ADRA1B: variants seen among roughly 807,000 people sequenced by gnomAD.
The protein encoded by ADRA1B is adrenoceptor alpha 1B, also known as alpha-1B adrenergic receptor.
ADRA1B carries 17 observed loss-of-function variants against 17.9 expected under a neutral mutation model. The observed-to-expected ratio is 0.95, with a 90% confidence interval of 0.65 to 1.42. The LOEUF (loss-of-function observed/expected upper bound fraction) is 1.42. Among genes scored for constraint, ADRA1B ranks in the 40% most tolerant of loss-of-function variants. ADRA1B has a pLI of 0.00. For synonymous variants in ADRA1B, 366 were observed against 327.6 expected (o/e 1.12, Z -1.27); for missense variants, 681 against 722.1 (o/e 0.94, Z 0.65).
At chr5:159,986,870 C>A in the ADRA1B span, among the ~76,000 whole-genome samples, 4 of 152,204 alleles carry the variant, frequency 2.6e-5, no homozygotes, top group Non-Finnish European at 2.9e-5. Context: ...CCCCCCTCAA[C>A]GGCGCCTACT....
chr5:159,953,231 A>G (rs1024205937), intron 1 of ADRA1B, among the ~76,000 whole-genome samples: 1 of 152,090 alleles, frequency 6.6e-6, no homozygotes, highest in Non-Finnish European at 1.5e-5. Context: ...GTGATAGCAC[A>G]CACCTGTAAT....
At chr5:159,888,334 A>G (rs1205722204) in intron 1 of ADRA1B, 2 of 152,174 alleles carry the variant, frequency 1.3e-5, no homozygotes, top group African/African-American at 4.8e-5. Context: ...GACGTCATGG[A>G]AGAACTAATG....
Position 159,917,275 on chromosome 5 carries a change from G to A in ADRA1B, c.370G>A (p.Val124Met), listed in dbSNP as rs187500825. 5.0e-6 allele frequency: 8 copies of A among 1,614,096 alleles called. No homozygotes were observed. Among genetic ancestry groups the A allele is most frequent in the Admixed American group, 3.3e-5 (2 of 60,030 alleles). The change falls in exon 1 of 2, where the codon GTG becomes ATG. Residue 124 changes from valine to methionine, a missense_variant. Physicochemically the swap from Val to Met is conservative, Grantham distance 21 (BLOSUM62 1). Around this residue, in one of 3 missense-constraint regions of ADRA1B, gnomAD observed 424 missense variants for 480.2 expected, o/e 0.88. Transcript: ENST00000306675. ...GRIFCDIWAAVDVLCCTASIL... is the reference protein window; with the variant it reads ...GRIFCDIWAAMDVLCCTASIL... ...GATCTTCTGTGACATCTGGGCAGCC[G>A]TGGATGTCCTGTGCTGCACAGCGTC...
chr5:159,934,533 G>C (rs1039303514), intron 1 of ADRA1B, among the ~76,000 whole-genome samples: 2 of 151,984 alleles, frequency 1.3e-5, no homozygotes, highest in Non-Finnish European at 2.9e-5. Context: ...CCAGGTGGTG[G>C]CTCACTCCTA....
intron 1 of ADRA1B, among the ~76,000 whole-genome samples, chr5:159,890,088 C>G (rs77138514): frequency 0.018 from 2,676 of 152,252 alleles, 73 homozygotes; most frequent in African/African-American, 0.061. Flanking sequence ...CCTTGGGCAA[C>G]GGGTGCTTGC....
At chr5:159,884,092 A>C (rs1216970045) in intron 1 of ADRA1B, among the ~76,000 whole-genome samples, 1 of 152,232 alleles carries the variant, frequency 6.6e-6, no homozygotes, top group African/African-American at 2.4e-5. Context: ...TATGGCCTAA[A>C]GCCAAAAATA....
intron 1 of ADRA1B, chr5:159,947,805 G>A (rs1429052412): frequency 6.1e-6 from 6 of 985,208 alleles, no homozygotes; most frequent in South Asian, 4.7e-5. Flanking sequence ...TGAGGGACAC[G>A]GGAGCTACAT....
At chr5:159,924,972 C>T (rs1313070287) in intron 1 of ADRA1B, among the ~76,000 whole-genome samples, 1 of 152,188 alleles carries the variant, frequency 6.6e-6, no homozygotes, top group Non-Finnish European at 1.5e-5. Context: ...TCATTTATAC[C>T]TGTCCACAGG....
At chr5:159,919,451 G>A (rs1754417141) in intron 1 of ADRA1B, among the ~76,000 whole-genome samples, 1 of 152,230 alleles carries the variant, frequency 6.6e-6, no homozygotes, top group Admixed American at 6.5e-5. Context: ...GACCACTCCT[G>A]TATGAGCCTC....
At chr5:159,895,609 C>T (rs1015896368) in intron 1 of ADRA1B, among the ~76,000 whole-genome samples, 2 of 152,142 alleles carry the variant, frequency 1.3e-5, no homozygotes, top group African/African-American at 2.4e-5. Flanking sequence ...CTATGGCAGA[C>T]GTTTACCTAT....
intron 1 of ADRA1B, among the ~76,000 whole-genome samples, chr5:159,881,123 G>A (rs1371933080): frequency 7.7e-5 from 11 of 143,572 alleles, no homozygotes; most frequent in Admixed American, 6.5e-4. Flanking sequence ...GCAGTGAGCC[G>A]AGATTGCGCC....
intron 1 of ADRA1B, among the ~76,000 whole-genome samples, chr5:159,934,817 CAA>C (rs111598190): frequency 0.038 from 4,479 of 116,856 alleles, 84 homozygotes; most frequent in Non-Finnish European, 0.044. Flanking sequence ...GACTCCATCT[CAA>C]AAAAAAAAAA....
chr5:159,967,257 G>C (rs986634343), intron 1 of ADRA1B, among the ~76,000 whole-genome samples: 17 of 152,196 alleles, frequency 1.1e-4, no homozygotes, highest in Admixed American at 1.0e-3. Context: ...TTTACAATCT[G>C]GGTGATGAAC....
intron 1 of ADRA1B, among the ~76,000 whole-genome samples, chr5:159,908,372 A>T (rs978382964): frequency 6.6e-6 from 1 of 152,166 alleles, no homozygotes; most frequent in African/African-American, 2.4e-5. Flanking sequence ...TTGAAATTCG[A>T]TCCCCCAGTG....
In ADRA1B at chr5:159,965,345, G is replaced by A. The variant is rs147521210; in HGVS notation, c.950-6534G>A. ...CGGAGGCAGGCTCAGGGCCAGGCTC[G>A]GGAACATGCACAGGGGGTTAGTGGC... On this transcript the variant is annotated intron_variant, in intron 1 of 1. Coordinates refer to ENST00000306675, the MANE Select transcript of ADRA1B (RefSeq NM_000679.4). Among the ~76,000 whole-genome samples the A allele has an allele frequency of 4.3e-3, 655 of 152,230 alleles. 4 individuals are homozygous for A. The highest frequency in any genetic ancestry group is 0.015 in the African/African-American group (622 of 41,540).
intron 1 of ADRA1B, among the ~76,000 whole-genome samples, chr5:159,903,643 G>A (rs1246237333): frequency 6.6e-6 from 1 of 152,182 alleles, no homozygotes; most frequent in Non-Finnish European, 1.5e-5. Flanking sequence ...CCGTGGGAGT[G>A]TGTGGGAAGG....
At chr5:159,878,696 C>A (rs1055611085) in intron 1 of ADRA1B, among the ~76,000 whole-genome samples, 2 of 152,158 alleles carry the variant, frequency 1.3e-5, no homozygotes, top group African/African-American at 2.4e-5. Flanking sequence ...TGTGCAAGGT[C>A]TTCTACAGGA....
intron 1 of ADRA1B, among the ~76,000 whole-genome samples, chr5:159,940,785 C>A (rs1206710634): frequency 6.6e-6 from 1 of 152,162 alleles, no homozygotes; most frequent in African/African-American, 2.4e-5. Context: ...TTTTTATTTT[C>A]TTTTCCTGCT....
downstream of ADRA1B, among the ~76,000 whole-genome samples, chr5:159,975,259 G>A (rs1003112434): frequency 6.6e-6 from 1 of 152,134 alleles, no homozygotes; most frequent in Non-Finnish European, 1.5e-5. Context: ...CACTTGCTCT[G>A]GCCTGCCCCA....
Sources: gnomAD v4.1 joint callset for allele counts (sites outside exome capture counted in the v4.1 genomes callset) on GRCh38, gnomAD v4.1.1 for gene constraint, gnomAD v4.1.1 regional missense constraint, MANE v1.5 for transcripts, NCBI Gene and HGNC (gene_info 2026-07-23, HGNC 2026-07-21) for gene names.